The following TCF3 variants were observed in gnomAD, a reference collection of about 807,000 sequenced individuals.
TCF3 encodes transcription factor E2-alpha.
Under a neutral mutation model 72.3 loss-of-function variants are expected in TCF3, and 54 were observed. The observed-to-expected ratio is 0.75, with a 90% confidence interval of 0.60 to 0.94. TCF3 has a LOEUF of 0.94. TCF3 is among the 40% of genes least tolerant of loss of function. The probability of loss-of-function intolerance (pLI) is 0.00; values close to 1 mark genes in which losing one functional copy is unlikely to be tolerated. For synonymous variants in TCF3, 525 were observed against 412.6 expected (o/e 1.27, Z -3.30); for missense variants, 1,078 against 934.4 (o/e 1.15, Z -2.00).
chr19:1,650,586 G>C (rs1424348840), intron 1 of TCF3: 4 of 310,728 alleles, frequency 1.3e-5, no homozygotes, highest in African/African-American at 2.1e-5. Flanking sequence ...AGGGCATCAA[G>C]TTGCCAAGTT....
intron 3 of TCF3, among the ~76,000 whole-genome samples, chr19:1,637,022 GGGCAACACA>G (rs2064512931): frequency 6.6e-6 from 1 of 152,144 alleles, no homozygotes; most frequent in Admixed American, 6.5e-5. Flanking sequence ...GAGGCTGTGC[GGGCAACACA>G]GGCAACCTCC....
chr19:1,646,122 G>A (rs1021078054), intron 3 of TCF3, among the ~76,000 whole-genome samples: 5 of 152,244 alleles, frequency 3.3e-5, no homozygotes, highest in African/African-American at 9.6e-5. Flanking sequence ...CTCCAGGCGC[G>A]GGAGGGACGA....
chr19:1,610,534 G>A lies in TCF3; in HGVS notation c.*1173C>T, dbSNP rs1366136409. On this transcript the variant is annotated 3_prime_UTR_variant, in exon 19 of 19. Coordinates refer to ENST00000262965, the MANE Select transcript of TCF3 (RefSeq NM_003200.5). ...AAGGAGTGAAGGACAGGGTGTCCAGGAGGTCCCCAGCACCGGGCTCCAGGG... is the reference window on the plus strand; with the variant it reads ...AAGGAGTGAAGGACAGGGTGTCCAGAAGGTCCCCAGCACCGGGCTCCAGGG... 1 of 231,708 alleles carries A rather than the reference G, an allele frequency of 4.3e-6. No individual in the cohort carries two copies. Among genetic ancestry groups the A allele is most frequent in the East Asian group, 6.1e-5 (1 of 16,392 alleles). 14.4% of individuals were successfully genotyped at this position (231,708 alleles called of 1,614,324 possible). A position where few individuals can be genotyped will look rare whatever the true frequency, so the allele number is the denominator to read the frequency against.
chr19:1,647,093 TGGG>T (rs1257449065), intron 2 of TCF3, among the ~76,000 whole-genome samples: 2 of 152,150 alleles, frequency 1.3e-5, no homozygotes, highest in African/African-American at 4.8e-5. Context: ...CTGGAGGGGC[TGGG>T]GAGAGGCTGC....
Position 1,622,402 on chromosome 19 carries a change from C to G in TCF3, c.563G>C (p.Ser188Thr). The change falls in exon 9 of 19, where the codon AGC becomes ACC. Residue 188 changes from serine (S) to threonine (T), a missense_variant. Physicochemically the swap from Ser to Thr is moderately conservative, Grantham distance 58. Coordinates refer to ENST00000262965, the MANE Select transcript of TCF3 (RefSeq NM_003200.5). ...ATCCCTGCCGTAGTCCTCACCTGAG[C>G]TGGGTGGGTACACCTGCGGGCGGGT... is the stretch of plus-strand genomic sequence containing the variant. ...PGLPSSVYPP[S>T]SGEDYGRDAT... 1 of 1,184,398 alleles carries G rather than the reference C, an allele frequency of 8.4e-7. No homozygotes were observed. 73.4% of individuals were successfully genotyped at this position (1,184,398 alleles called of 1,614,324 possible). A position where few individuals can be genotyped will look rare whatever the true frequency, so the allele number is the denominator to read the frequency against.
At chr19:1,649,790 TTTAC>T (rs1364590299) in intron 2 of TCF3, among the ~76,000 whole-genome samples, 1 of 152,080 alleles carries the variant, frequency 6.6e-6, no homozygotes, top group Non-Finnish European at 1.5e-5. Context: ...GCAGTGATCT[TTTAC>T]TTACTTTTAA....
intron 2 of TCF3, among the ~76,000 whole-genome samples, chr19:1,647,874 G>C (rs1418460270): frequency 6.6e-6 from 1 of 152,198 alleles, no homozygotes; most frequent in Non-Finnish European, 1.5e-5. Flanking sequence ...GAAATGGACC[G>C]AGGGCTCTGG....
rs145152739 is a variant in TCF3 at position 1,632,072 on chromosome 19, G to C, written c.264C>G (p.Leu88=). The C allele has an allele frequency of 5.0e-6, 8 of 1,613,420 alleles. No homozygotes were observed. The highest frequency in any genetic ancestry group is 1.3e-5 in the African/African-American group (1 of 74,916). Residue 88 remains leucine (L), a synonymous_variant, in exon 5 of 19, where the codon CTC becomes CTG. Transcript: ENST00000262965. ...CCGGTCCCAGGAATGTGGATGAAGAGAGGCTGCTGTGCGACTCAGTGAAGT... is the reference window on the plus strand; with the variant it reads ...CCGGTCCCAGGAATGTGGATGAAGACAGGCTGCTGTGCGACTCAGTGAAGT... ...GTHFTESHSS[L]SSSTFLGPGL...
At chr19:1,643,121 G>A (rs935710203) in intron 3 of TCF3, among the ~76,000 whole-genome samples, 15 of 152,210 alleles carry the variant, frequency 9.9e-5, no homozygotes, top group African/African-American at 3.4e-4. Context: ...GAGGCGGTGG[G>A]TGGGAGAAGG....
At chr19:1,650,514 G>T in intron 1 of TCF3, 1 of 428,224 alleles carries the variant, frequency 2.3e-6, no homozygotes, top group Non-Finnish European at 4.1e-6. Context: ...AGACCACAGG[G>T]AGTCTGAAAA....
At chr19:1,642,766 C>A (rs1394831068) in intron 3 of TCF3, among the ~76,000 whole-genome samples, 1 of 152,180 alleles carries the variant, frequency 6.6e-6, no homozygotes, top group Non-Finnish European at 1.5e-5. Context: ...GCCACCGCGC[C>A]CGGTCACAAG....
At chr19:1,625,437 C>A in intron 7 of TCF3, 139 bp downstream of exon 7, 3 of 1,167,094 alleles carry the variant, frequency 2.6e-6, no homozygotes. Context: ...TCCCACGGCC[C>A]GAGCGCCCGA....
In TCF3 at chr19:1,619,783, G is replaced by A. The variant is rs753328000; in HGVS notation, c.1164C>T (p.Gly388=). The A allele has an allele frequency of 5.8e-6, 9 of 1,553,600 alleles. No individual in the cohort carries two copies. In the Admixed American group the frequency reaches 7.7e-5, roughly 13 times the overall value. ...LSPSYDGGLH[G]LQSKIEDHLD... is the part of the protein sequence containing the mutation. ...GTGGGGCGGGGCAGGCACTCACCAG[G>A]CCGTGGAGACCCCCGTCGTAGCTGG... Residue 388 remains glycine, a synonymous_variant, in exon 14 of 19, where the codon GGC becomes GGT. Coordinates refer to ENST00000262965, the MANE Select transcript of TCF3 (RefSeq NM_003200.5).
chr19:1,620,222 G>C (rs1356029795), intron 13 of TCF3, among the ~76,000 whole-genome samples: 2 of 152,164 alleles, frequency 1.3e-5, no homozygotes, highest in Non-Finnish European at 2.9e-5. Flanking sequence ...GCTCCAGGTG[G>C]GACCAGACAG....
intron 6 of TCF3, 49 bp from the exon 7 acceptor site, chr19:1,625,757 C>G (rs1263895859): frequency 6.9e-7 from 1 of 1,442,962 alleles, no homozygotes; most frequent in Admixed American, 3.4e-5. Context: ...ATCCAGACCC[C>G]AGGCTGTTCC....
intron 3 of TCF3, among the ~76,000 whole-genome samples, chr19:1,635,158 T>C (rs1414260399): frequency 1.3e-5 from 2 of 152,206 alleles, no homozygotes; most frequent in East Asian, 1.9e-4. Flanking sequence ...GTGGTCTGGC[T>C]TCAGATGGGC....
At chr19:1,624,079 T>A in intron 7 of TCF3, 79 bp from the exon 8 acceptor site, 1 of 1,430,122 alleles carries the variant, frequency 7.0e-7, no homozygotes, top group African/African-American at 1.4e-5. Context: ...GGAGAGACCC[T>A]CACAATTCCC....
In TCF3 at chr19:1,619,106, C is replaced by A. The variant is rs2061869519; in HGVS notation, c.1450+5G>T. ...AGTCGGACAGTCCCAAGCTCAAGGG[C>A]TTACCACTGTAGGAGTCGGGAGGCC... On this transcript the variant is annotated splice_donor_5th_base_variant and intron_variant, in intron 16 of 18. Coordinates refer to ENST00000262965, the MANE Select transcript of TCF3 (RefSeq NM_003200.5). 6.3e-7 allele frequency: 1 copy of A among 1,599,308 alleles called. No individual in the cohort carries two copies. The highest frequency in any genetic ancestry group is 8.5e-7 in the Non-Finnish European group (1 of 1,179,700).
intron 7 of TCF3, among the ~76,000 whole-genome samples, chr19:1,625,111 A>AGC (rs1344274772): frequency 6.6e-6 from 1 of 152,248 alleles, no homozygotes; most frequent in Non-Finnish European, 1.5e-5. Context: ...CCTCCAGAGA[A>AGC]GCTGGGACCC....
Sources: allele counts gnomAD v4.1 joint callset (sites outside exome capture counted in the v4.1 genomes callset), GRCh38; gene constraint gnomAD v4.1.1; transcripts MANE v1.5; gene names NCBI Gene and HGNC (gene_info 2026-07-23, HGNC 2026-07-21).